The following TAFA1 variants were observed in gnomAD, a reference collection of about 807,000 sequenced individuals.
The protein encoded by TAFA1 is TAFA chemokine like family member 1.
In TAFA1, 4 loss-of-function variants were observed where a neutral mutation model predicts 18.5. The observed-to-expected ratio is 0.22, with a 90% CI of 0.11 to 0.49. The LOEUF is 0.49. TAFA1 is among the 20% of genes least tolerant of loss of function. TAFA1 has a pLI of 0.98. For synonymous variants in TAFA1, 56 were observed against 55.2 expected (o/e 1.01, Z -0.06); for missense variants, 147 against 169.0 (o/e 0.87, Z 0.72).
upstream of TAFA1, among the ~76,000 whole-genome samples, chr3:67,999,841 A>C (rs1704265409): frequency 6.7e-6 from 1 of 148,834 alleles, no homozygotes; most frequent in Admixed American, 6.8e-5. Flanking sequence ...CTCAGGCTGG[A>C]GTGCAATGGT....
At chr3:68,238,894 A>C (rs1487729425) in intron 2 of TAFA1, among the ~76,000 whole-genome samples, 3 of 152,174 alleles carry the variant, frequency 2.0e-5, no homozygotes. Context: ...ATCAATATTT[A>C]GGTTTGAAAC....
chr3:68,307,476 C>T (rs2068441338), intron 2 of TAFA1, among the ~76,000 whole-genome samples: 1 of 152,170 alleles, frequency 6.6e-6, no homozygotes, highest in Non-Finnish European at 1.5e-5. Context: ...GGATCAGTAA[C>T]ATCTACATTC....
intron 2 of TAFA1, among the ~76,000 whole-genome samples, chr3:68,388,994 A>G (rs2070167666): frequency 6.6e-6 from 1 of 152,208 alleles, no homozygotes; most frequent in East Asian, 1.9e-4. Context: ...AAAGTAAGAA[A>G]AGTATCTCTG....
chr3:68,351,859 G>A (rs756808145), intron 2 of TAFA1, among the ~76,000 whole-genome samples: 2 of 151,926 alleles, frequency 1.3e-5, no homozygotes, highest in Non-Finnish European at 2.9e-5. Flanking sequence ...GCTCTGTCTT[G>A]TTTTTAGGCA....
chr3:68,433,944 T>C (rs1000282952), intron 3 of TAFA1, among the ~76,000 whole-genome samples: 5 of 152,112 alleles, frequency 3.3e-5, no homozygotes, highest in Non-Finnish European at 1.5e-5. Context: ...AGACTTACAC[T>C]TGAGCATTGT....
intron 2 of TAFA1, among the ~76,000 whole-genome samples, chr3:68,086,902 C>T (rs2064977083): frequency 6.6e-6 from 1 of 152,144 alleles, no homozygotes. Context: ...TTGAGGTTAA[C>T]ATAGGATGTT....
At position 68,463,030 on chromosome 3, in the gene TAFA1, G is replaced by A. The variant is rs190715741; in HGVS notation, c.259+45610G>A. ...AAATGTAGATTGGGCAACTCATATAGGCAAATGTTGTCACTCTCTACAGGG... is the reference window on the plus strand; with the variant it reads ...AAATGTAGATTGGGCAACTCATATAAGCAAATGTTGTCACTCTCTACAGGG... On this transcript the variant is annotated intron_variant, in intron 3 of 4. Transcript: ENST00000478136. Among the ~76,000 whole-genome samples the A allele has an allele frequency of 1.9e-3, 288 of 152,250 alleles. 8 individuals are homozygous for A. The highest frequency in any genetic ancestry group is 2.2e-4 in the Non-Finnish European group (15 of 68,024).
chr3:68,117,720 G>A (rs1283927846), intron 2 of TAFA1, among the ~76,000 whole-genome samples: 1 of 152,170 alleles, frequency 6.6e-6, no homozygotes, highest in Non-Finnish European at 1.5e-5. Context: ...TGAAAGTATA[G>A]TGGAATCACA....
At chr3:68,135,157 G>T (rs1271458559) in intron 2 of TAFA1, among the ~76,000 whole-genome samples, 2 of 152,122 alleles carry the variant, frequency 1.3e-5, no homozygotes, top group Admixed American at 1.3e-4. Flanking sequence ...AAAAAGCTTT[G>T]CTGAATTACT....
At chr3:68,332,509 G>C (rs1265351465) in intron 2 of TAFA1, among the ~76,000 whole-genome samples, 1 of 152,170 alleles carries the variant, frequency 6.6e-6, no homozygotes. Context: ...TGCAAACCAT[G>C]TATTGGACAA....
At chr3:68,013,196 A>G (rs1484180382) in intron 2 of TAFA1, among the ~76,000 whole-genome samples, 1 of 152,150 alleles carries the variant, frequency 6.6e-6, no homozygotes, top group African/African-American at 2.4e-5. Flanking sequence ...ACGAGGAATG[A>G]AGATTTTGGT....
At chr3:68,141,273 T>C (rs996835471) in intron 2 of TAFA1, among the ~76,000 whole-genome samples, 9 of 152,310 alleles carry the variant, frequency 5.9e-5, no homozygotes, top group Middle Eastern at 3.4e-3. Flanking sequence ...AGGTGGACAC[T>C]TCTTTAATGA....
At chr3:68,337,667 A>G (rs796960673) in intron 2 of TAFA1, among the ~76,000 whole-genome samples, 2 of 152,138 alleles carry the variant, frequency 1.3e-5, no homozygotes, top group East Asian at 3.9e-4. Flanking sequence ...TGTTTTGTGT[A>G]TATTTATGGT....
chr3:68,494,931 G>C (rs1013966108), intron 3 of TAFA1, among the ~76,000 whole-genome samples: 3 of 152,164 alleles, frequency 2.0e-5, no homozygotes, highest in Non-Finnish European at 4.4e-5. Context: ...AAAAGATCAG[G>C]CTGAAAGTCT....
At chr3:68,410,246 T>A (rs987318271) in intron 2 of TAFA1, among the ~76,000 whole-genome samples, 1 of 152,116 alleles carries the variant, frequency 6.6e-6, no homozygotes, top group African/African-American at 2.4e-5. Flanking sequence ...ACTAGAGAGA[T>A]GCCCCATGGA....
At chr3:68,238,657 T>A (rs1276533988) in intron 2 of TAFA1, among the ~76,000 whole-genome samples, 1 of 152,188 alleles carries the variant, frequency 6.6e-6, no homozygotes, top group Non-Finnish European at 1.5e-5. Context: ...GTTTTGTTAA[T>A]CCTTTCCTTT....
At chr3:68,370,468 GTGTGTATATATATATATATATATATA>G (rs2069674780) in intron 2 of TAFA1, among the ~76,000 whole-genome samples, 3 of 16,616 alleles carry the variant, frequency 1.8e-4, no homozygotes, top group South Asian at 4.3e-3. Flanking sequence ...GTGTGTGTGT[GTGTGTATATATATATATATATATATA>G]TATATATATA....
At chr3:68,456,561 A>C (rs2071670048) in intron 3 of TAFA1, among the ~76,000 whole-genome samples, 1 of 152,070 alleles carries the variant, frequency 6.6e-6, no homozygotes, top group South Asian at 2.1e-4. Flanking sequence ...TGCTGCCATT[A>C]ATTTCTCCAG....
At chr3:68,338,189 T>C (rs551630694) in intron 2 of TAFA1, among the ~76,000 whole-genome samples, 60 of 152,328 alleles carry the variant, frequency 3.9e-4, no homozygotes, top group Admixed American at 9.1e-4. Flanking sequence ...ACTTATGTAA[T>C]GGAACTCATC....
Sources: allele counts gnomAD v4.1 joint callset (sites outside exome capture counted in the v4.1 genomes callset), GRCh38; gene constraint gnomAD v4.1.1; transcripts MANE v1.5; gene names NCBI Gene and HGNC (gene_info 2026-07-23, HGNC 2026-07-21).